ARSG: variants seen among roughly 807,000 people sequenced by gnomAD.
ARSG encodes the protein ASG.
A neutral mutation model predicts 50.5 loss-of-function variants in ARSG; 37 were observed. That is an observed-to-expected ratio of 0.73 (90% CI 0.56 to 0.96). ARSG has a LOEUF of 0.96. Ranked by LOEUF, ARSG falls within the 50% of genes least tolerant of loss-of-function variation. The pLI is 0.00. For missense variants in ARSG, 629 were observed against 675.3 expected (o/e 0.93, Z 0.76); for synonymous variants, 225 against 254.6 (o/e 0.88, Z 1.11).
chr17:68,350,310 C>T (rs973703055), intron 4 of ARSG, among the ~76,000 whole-genome samples: 2 of 152,178 alleles, frequency 1.3e-5, no homozygotes, highest in Admixed American at 6.5e-5. Flanking sequence ...CACAGCTCTC[C>T]CTACTCCTGG....
intron 1 of ARSG, among the ~76,000 whole-genome samples, chr17:68,292,937 T>C (rs2076069625): frequency 6.6e-6 from 1 of 152,206 alleles, no homozygotes; most frequent in Admixed American, 6.5e-5. Context: ...ATGGAGGTGG[T>C]ATTCCCAGAA....
At chr17:68,298,594 CAAAAAAAAAAAAA>C (rs562725952) in intron 1 of ARSG, among the ~76,000 whole-genome samples, 1 of 64,852 alleles carries the variant, frequency 1.5e-5, no homozygotes, top group Non-Finnish European at 2.9e-5. Flanking sequence ...GATCCTGTCT[CAAAAAAAAAAAAA>C]AAAAAAAAAG....
In ARSG at chr17:68,420,391, T is replaced by C. The variant is rs148547053; in HGVS notation, c.1506T>C (p.Asp502=). 252 of 1,614,004 alleles carry C rather than the reference T, an allele frequency of 1.6e-4. No individual in the cohort carries two copies. The highest frequency in any genetic ancestry group is 2.0e-4 in the Non-Finnish European group (238 of 1,180,030). The change falls in exon 12 of 12, where the codon GAT becomes GAC. Residue 502 remains aspartate, a synonymous_variant. Coordinates refer to ENST00000621439, the MANE Select transcript of ARSG (RefSeq NM_001267727.2). ...CCAACGACAACATCTCCAGCGCAGA[T>C]TACACTCAGGACCCTTCAGTAACTC... ...DIANDNISSA[D]YTQDPSVTPC... is the part of the protein sequence containing the mutation.
chr17:68,436,442 G>C, the ARSG span: 1 of 1,614,058 alleles, frequency 6.2e-7, no homozygotes, highest in Non-Finnish European at 8.5e-7. Context: ...GATAGGCCAG[G>C]TAAGAATTGG....
At chr17:68,306,879 TGA>T in intron 1 of ARSG, 62 bp from the exon 2 acceptor site, 1 of 152,268 alleles carries the variant, frequency 6.6e-6, no homozygotes, top group Non-Finnish European at 1.5e-5. Context: ...CCTAAGCTAC[TGA>T]GTAAAACACA....
At chr17:68,266,987 T>C (rs2075178855) in intron 1 of ARSG, 1 of 152,194 alleles carries the variant, frequency 6.6e-6, no homozygotes. Context: ...AAACACTGAA[T>C]GCTGTGAGAG....
chr17:68,315,526 CAAAAA>C (rs1285326591), intron 2 of ARSG, among the ~76,000 whole-genome samples: 1 of 145,496 alleles, frequency 6.9e-6, no homozygotes. Context: ...AATCCTGTCT[CAAAAA>C]AAAAAGGAGA....
At chr17:68,443,855 A>G in the ARSG span, among the ~76,000 whole-genome samples, 1 of 152,238 alleles carries the variant, frequency 6.6e-6, no homozygotes, top group African/African-American at 2.4e-5. Flanking sequence ...CCCACCACAC[A>G]ATGAAGGAAT....
intron 6 of ARSG, among the ~76,000 whole-genome samples, chr17:68,360,671 A>G (rs892871516): frequency 1.3e-5 from 2 of 152,162 alleles, no homozygotes; most frequent in Non-Finnish European, 1.5e-5. Context: ...GGTAGAAGGC[A>G]TGACTCCTGG....
the ARSG span, among the ~76,000 whole-genome samples, chr17:68,442,680 T>A: frequency 6.6e-6 from 1 of 152,080 alleles, no homozygotes; most frequent in South Asian, 2.1e-4. Flanking sequence ...AAGGCCCAGC[T>A]CAGGCCCTGC....
At chr17:68,280,042 C>A (rs2075642126) in intron 1 of ARSG, among the ~76,000 whole-genome samples, 1 of 151,946 alleles carries the variant, frequency 6.6e-6, no homozygotes, top group Non-Finnish European at 1.5e-5. Context: ...ATTAGCTGGG[C>A]ATGGTGGCAG....
the ARSG span, among the ~76,000 whole-genome samples, chr17:68,442,732 GATC>G: frequency 6.6e-6 from 1 of 152,158 alleles, no homozygotes; most frequent in Non-Finnish European, 1.5e-5. Flanking sequence ...TCTCATTCCT[GATC>G]AGAAGAGCAC....
intron 2 of ARSG, among the ~76,000 whole-genome samples, chr17:68,342,059 A>T (rs2078292492): frequency 6.6e-6 from 1 of 152,152 alleles, no homozygotes; most frequent in South Asian, 2.1e-4. Context: ...ACCTCAGTTG[A>T]TCCACCTGCC....
chr17:68,429,887 C>T, the ARSG span: 2 of 1,532,124 alleles, frequency 1.3e-6, no homozygotes, highest in South Asian at 2.4e-5. Flanking sequence ...CCGTGCCCAG[C>T]CTGGGGCAAG....
chr17:68,282,941 C>CT (rs1262481626), intron 1 of ARSG: 2 of 146,840 alleles, frequency 1.4e-5, no homozygotes, highest in African/African-American at 2.5e-5. Flanking sequence ...GTGCAAGACT[C>CT]TGTCTCAAAA....
chr17:68,297,599 A>T lies in ARSG; in HGVS notation c.-552+6031A>T, dbSNP rs76149261. On this transcript the variant is annotated intron_variant, in intron 1 of 11. Coordinates refer to ENST00000621439, the MANE Select transcript of ARSG (RefSeq NM_001267727.2). Reference sequence around the variant, plus strand: ...TCTGGATTTTGCCATCTATACTCAGAATAGTTATGTTTTTATCTTTTTTTA... The same window carrying T: ...TCTGGATTTTGCCATCTATACTCAGTATAGTTATGTTTTTATCTTTTTTTA... 3.2e-3 allele frequency among the ~76,000 whole-genome samples: 484 copies of T among 152,222 alleles called. 4 individuals carry two copies. The highest frequency in any genetic ancestry group is 0.011 in the African/African-American group (452 of 41,534).
rs374127757 is a variant in ARSG at position 68,307,280 on chromosome 17, T to G, written c.-214T>G. ...TGCAAATTTCCTGATTCTTTTGAATTAGGATTCCAGATGGGGGCCTCATTT... is the reference window on the plus strand; with the variant it reads ...TGCAAATTTCCTGATTCTTTTGAATGAGGATTCCAGATGGGGGCCTCATTT... On this transcript the variant is annotated 5_prime_UTR_variant, in exon 2 of 12. The change creates a new upstream start codon in the 5' untranslated region. Transcript: ENST00000621439. 1.1e-5 allele frequency: 6 copies of G among 538,022 alleles called. No homozygotes were observed. Among genetic ancestry groups the G allele is most frequent in the African/African-American group, 1.9e-5 (1 of 52,650 alleles). The allele number at this position is 538,022 out of a possible 1,614,324, so 33.3% of individuals were successfully genotyped here. A position where few individuals can be genotyped will look rare whatever the true frequency, so the allele number is the denominator to read the frequency against.
intron 6 of ARSG, chr17:68,359,819 T>G (rs1775498114): frequency 6.6e-6 from 1 of 152,224 alleles, no homozygotes; most frequent in South Asian, 2.1e-4. Context: ...AATTGCATCT[T>G]AAGGGTTTAT....
At chr17:68,403,174 GT>G (rs1396495063) in intron 11 of ARSG, among the ~76,000 whole-genome samples, 3 of 152,136 alleles carry the variant, frequency 2.0e-5, no homozygotes, top group African/African-American at 7.2e-5. Context: ...GATATTTGTT[GT>G]TTTCGGTTGA....
Sources: allele counts gnomAD v4.1 joint callset (sites outside exome capture counted in the v4.1 genomes callset), GRCh38; gene constraint gnomAD v4.1.1; transcripts MANE v1.5; gene names NCBI Gene and HGNC (gene_info 2026-07-23, HGNC 2026-07-21).